The following GPC3 variants were observed in gnomAD, a reference collection of about 807,000 sequenced individuals.
GPC3 encodes glypican 3.
A neutral mutation model predicts 34.4 loss-of-function variants in GPC3; 3 were observed. That is an observed-to-expected ratio of 0.09 (90% confidence interval 0.04 to 0.23). GPC3 has a LOEUF of 0.23. Ranked by LOEUF, GPC3 falls within the 10% of genes least tolerant of loss-of-function variation. The probability of loss-of-function intolerance (pLI) is 1.00; values close to 1 mark genes in which losing one functional copy is unlikely to be tolerated. For missense variants in GPC3, 351 were observed against 445.6 expected, an observed-to-expected ratio of 0.79 and a Z score of 1.91; for synonymous variants, 177 against 174.0, an observed-to-expected ratio of 1.02 and a Z score of -0.13.
chrX:133,924,880 G>A (rs1397421757), intron 2 of GPC3, among the ~76,000 whole-genome samples: 1 of 110,548 alleles, frequency 9.0e-6, no homozygotes, highest in Non-Finnish European at 1.9e-5. Flanking sequence ...AAAAGTATTC[G>A]TGGAAACAGA....
chrX:133,860,899 C>T (rs1198344567), intron 2 of GPC3, among the ~76,000 whole-genome samples: 2 of 110,185 alleles, frequency 1.8e-5, no homozygotes, highest in African/African-American at 3.3e-5. Context: ...CTCAGGAGTT[C>T]GAGACCAGCC....
chrX:133,596,495 A>G lies in GPC3; in HGVS notation c.1518T>C (p.Ile506=). The part of the protein sequence containing the change: ...GDCGDDEDEC[I]GGSGDGMIKV... ...TTATCATTCCATCACCAGAGCCTCC[A>G]ATGCACTCATCTTCATCATCACCGC... Residue 506 remains isoleucine, a synonymous_variant, in exon 7 of 8, where the codon ATT becomes ATC. Coordinates refer to ENST00000370818, the MANE Select transcript of GPC3 (RefSeq NM_004484.4). The G allele has an allele frequency of 8.3e-7, 1 of 1,207,570 alleles. No homozygotes were observed. Among genetic ancestry groups the G allele is most frequent in the Non-Finnish European group, 1.1e-6 (1 of 891,652 alleles).
intron 3 of GPC3, among the ~76,000 whole-genome samples, chrX:133,718,794 G>T (rs1044124782): frequency 9.0e-6 from 1 of 111,193 alleles, no homozygotes; most frequent in African/African-American, 3.3e-5. Flanking sequence ...CATCAAGAGT[G>T]GCTGTACTAA....
chrX:133,706,786 G>A (rs181566889), intron 3 of GPC3, among the ~76,000 whole-genome samples: 50 of 111,556 alleles, frequency 4.5e-4, no homozygotes, highest in African/African-American at 1.5e-3. Context: ...ACTGCAGAGG[G>A]GAGTTTGGAG....
At chrX:133,967,369 T>G (rs1477407069) in intron 1 of GPC3, among the ~76,000 whole-genome samples, 1 of 111,616 alleles carries the variant, frequency 9.0e-6, no homozygotes, top group Non-Finnish European at 1.9e-5. Context: ...CAAAAACAGT[T>G]AAGAGTAACT....
intron 2 of GPC3, among the ~76,000 whole-genome samples, chrX:133,836,130 A>T (rs2075798315): frequency 8.8e-6 from 1 of 113,583 alleles, no homozygotes; most frequent in South Asian, 3.5e-4. Context: ...GTTCCTTGCA[A>T]CTTTAAGAGT....
intron 2 of GPC3, among the ~76,000 whole-genome samples, chrX:133,772,108 G>A (rs995705659): frequency 1.8e-5 from 2 of 111,211 alleles, no homozygotes; most frequent in Non-Finnish European, 3.8e-5. Context: ...AAGAACGCCA[G>A]GTAGAAGTCA....
intron 2 of GPC3, among the ~76,000 whole-genome samples, chrX:133,804,889 G>A (rs1474212657): frequency 9.0e-6 from 1 of 111,417 alleles, no homozygotes; most frequent in African/African-American, 3.3e-5. Flanking sequence ...GCAAATATCT[G>A]CTCTATTCAC....
rs1006372235 is a variant in GPC3, at chrX:133,776,949, A to G, written c.338-22773T>C. 6.4e-5 allele frequency among the ~76,000 whole-genome samples: 6 copies of G among 93,466 alleles called. No homozygotes were observed. In the South Asian group the frequency reaches 2.7e-3, roughly 41 times the overall value. 81.2% of individuals were successfully genotyped at this position (93,466 alleles called of 115,157 possible). A position where few individuals can be genotyped will look rare whatever the true frequency, so the allele number is the denominator to read the frequency against. ...CGCTGGAGTGCAGTGGCGCGATCTC[A>G]GCTCACTGCAACCTCCACCTCCCAG... On this transcript the variant is annotated intron_variant, in intron 2 of 7. Coordinates refer to ENST00000370818, the MANE Select transcript of GPC3 (RefSeq NM_004484.4).
intron 5 of GPC3, among the ~76,000 whole-genome samples, chrX:133,683,153 C>T (rs187916090): frequency 1.5e-3 from 170 of 110,403 alleles, no homozygotes; most frequent in Non-Finnish European, 2.2e-3. Flanking sequence ...AGCCATAAAC[C>T]CACAAGGCTT....
At chrX:133,972,166 G>A (rs1204315423) in intron 1 of GPC3, among the ~76,000 whole-genome samples, 2 of 112,170 alleles carry the variant, frequency 1.8e-5, no homozygotes, top group Non-Finnish European at 3.8e-5. Context: ...AATGACTTAG[G>A]TTTTAGAAAT....
intron 2 of GPC3, among the ~76,000 whole-genome samples, chrX:133,862,508 G>A (rs1411720837): frequency 8.8e-5 from 9 of 102,331 alleles, no homozygotes; most frequent in East Asian, 3.0e-4. Context: ...GTGAAACCCC[G>A]TCTCTACTAA....
At chrX:133,555,792 C>A (rs2069482482) in intron 7 of GPC3, among the ~76,000 whole-genome samples, 1 of 107,448 alleles carries the variant, frequency 9.3e-6, no homozygotes, top group Non-Finnish European at 1.9e-5. Context: ...TGTGCCACTG[C>A]ACTCCAGCCT....
At chrX:133,799,739 C>A (rs1429452978) in intron 2 of GPC3, among the ~76,000 whole-genome samples, 1 of 111,783 alleles carries the variant, frequency 8.9e-6, no homozygotes, top group African/African-American at 3.3e-5. Context: ...GCAAGCCCAG[C>A]ATAGTTCTCT....
At chrX:133,842,150 C>G (rs1286412050) in intron 2 of GPC3, among the ~76,000 whole-genome samples, 5 of 110,267 alleles carry the variant, frequency 4.5e-5, no homozygotes, top group Non-Finnish European at 9.5e-5. Flanking sequence ...AAACCCATTT[C>G]TACTAAAAAT....
At chrX:133,842,895 T>C (rs1022511261) in intron 2 of GPC3, among the ~76,000 whole-genome samples, 5 of 111,271 alleles carry the variant, frequency 4.5e-5, no homozygotes, top group African/African-American at 1.6e-4. Context: ...GCATGACCAA[T>C]AGAACACAGC....
intron 5 of GPC3, among the ~76,000 whole-genome samples, chrX:133,690,980 A>G (rs1265162320): frequency 8.9e-6 from 1 of 111,790 alleles, no homozygotes; most frequent in Non-Finnish European, 1.9e-5. Flanking sequence ...ATCGCAAGCT[A>G]TTCCTCCCAC....
intron 2 of GPC3, among the ~76,000 whole-genome samples, chrX:133,886,619 C>T (rs1056076982): frequency 5.4e-5 from 6 of 111,741 alleles, no homozygotes; most frequent in African/African-American, 2.0e-4. Context: ...AGTCCCACCC[C>T]GCAGGGTCTG....
chrX:133,803,442 A>AT (rs2075620432), intron 2 of GPC3, among the ~76,000 whole-genome samples: 1 of 112,081 alleles, frequency 8.9e-6, no homozygotes, highest in East Asian at 2.8e-4. Flanking sequence ...GTTCATGGCC[A>AT]TTGCAAAGGA....
Sources: allele counts gnomAD v4.1 joint callset (sites outside exome capture counted in the v4.1 genomes callset), GRCh38; gene constraint gnomAD v4.1.1; transcripts MANE v1.5; gene names NCBI Gene and HGNC (gene_info 2026-07-23, HGNC 2026-07-21).